ARID5B: variants seen among roughly 807,000 people sequenced by gnomAD.
ARID5B encodes AT-rich interactive domain-containing protein 5B.
Under a neutral mutation model 97.2 loss-of-function variants are expected in ARID5B, and 13 were observed. The ratio of observed to expected loss-of-function variants is 0.13; its 90% CI spans 0.09 to 0.21. ARID5B has a LOEUF of 0.21. Among genes scored for constraint, ARID5B ranks in the 10% least tolerant of loss-of-function variants. The pLI, the probability that ARID5B is intolerant of heterozygous loss-of-function variation, is 1.00. For missense variants in ARID5B, 1,210 were observed against 1,465.3 expected, an observed-to-expected ratio of 0.83 and a Z score of 2.84; for synonymous variants, 556 against 570.3, an observed-to-expected ratio of 0.97 and a Z score of 0.36.
chr10:61,903,895 C>T (rs1024781683), intron 2 of ARID5B, among the ~76,000 whole-genome samples: 3 of 150,236 alleles, frequency 2.0e-5, no homozygotes, highest in African/African-American at 4.9e-5. Flanking sequence ...TCACCTCCCC[C>T]CTCCACCCTC....
chr10:62,069,988 T>G (rs1173610168), intron 8 of ARID5B, among the ~76,000 whole-genome samples, 191 bp downstream of exon 8: 1 of 151,946 alleles, frequency 6.6e-6, no homozygotes, highest in Non-Finnish European at 1.5e-5. Flanking sequence ...GGGCTAAAAT[T>G]AGATGTTCTT....
intron 2 of ARID5B, among the ~76,000 whole-genome samples, chr10:61,926,442 C>T (rs1349811443): frequency 6.6e-6 from 1 of 152,084 alleles, no homozygotes; most frequent in Non-Finnish European, 1.5e-5. Context: ...GACCACCTAT[C>T]TCAGAAAGTC....
At chr10:61,984,053 TG>T (rs955372949) in intron 3 of ARID5B, among the ~76,000 whole-genome samples, 2 of 152,218 alleles carry the variant, frequency 1.3e-5, no homozygotes, top group African/African-American at 4.8e-5. Flanking sequence ...TTCTTACTGT[TG>T]TACCAACCAT....
Position 61,937,872 on chromosome 10 carries a change from T to C in ARID5B, c.277-2311T>C, listed in dbSNP as rs568105497. Among the ~76,000 whole-genome samples, 27 of 152,292 alleles carry C rather than the reference T, an allele frequency of 1.8e-4. No individual in the cohort carries two copies. In the South Asian group the frequency reaches 5.6e-3, roughly 32 times the overall value. The stretch of plus-strand genomic sequence containing the variant: ...ATGTTGGCTACTTTTTGTTTTCTTG[T>C]GGTGGGAGGGGGGTGTTGGCTTGCT... On this transcript the variant is annotated intron_variant, in intron 2 of 9. Coordinates refer to ENST00000279873, the MANE Select transcript of ARID5B (RefSeq NM_032199.3).
intron 4 of ARID5B, among the ~76,000 whole-genome samples, chr10:62,039,716 C>T (rs138356728): frequency 6.6e-6 from 1 of 152,220 alleles, no homozygotes; most frequent in Non-Finnish European, 1.5e-5. Context: ...AGAATGATTG[C>T]GGAAAGAATG....
chr10:62,058,643 G>A (rs146852423), intron 6 of ARID5B, among the ~76,000 whole-genome samples: 54 of 152,324 alleles, frequency 3.5e-4, no homozygotes, highest in Admixed American at 3.1e-3. Context: ...ATTCCTCTCT[G>A]AATGAATGTC....
chr10:61,934,018 T>G (rs556428173), intron 2 of ARID5B, among the ~76,000 whole-genome samples: 1 of 152,356 alleles, frequency 6.6e-6, no homozygotes, highest in South Asian at 2.1e-4. Context: ...CTACCTTCAA[T>G]TATCTTAGCT....
intron 3 of ARID5B, among the ~76,000 whole-genome samples, chr10:61,972,699 A>G (rs1838645901): frequency 6.6e-6 from 1 of 152,158 alleles, no homozygotes; most frequent in African/African-American, 2.4e-5. Flanking sequence ...TTTTGTATAT[A>G]ATAAACAGTG....
chr10:61,909,917 C>T (rs1437827097), intron 2 of ARID5B, among the ~76,000 whole-genome samples: 4 of 152,190 alleles, frequency 2.6e-5, no homozygotes, highest in Non-Finnish European at 4.4e-5. Flanking sequence ...ATCTCTGTTT[C>T]GTTGTTAATT....
chr10:61,951,963 T>C (rs1838329837), intron 3 of ARID5B, among the ~76,000 whole-genome samples: 1 of 152,222 alleles, frequency 6.6e-6, no homozygotes, highest in South Asian at 2.1e-4. Context: ...CGTTGGGCAT[T>C]TCAGCTCTTT....
At chr10:62,030,205 C>T (rs1460557203) in intron 4 of ARID5B, among the ~76,000 whole-genome samples, 1 of 151,972 alleles carries the variant, frequency 6.6e-6, no homozygotes, top group African/African-American at 2.4e-5. Context: ...TCTCGGCTCA[C>T]GGCAACTTCC....
chr10:62,009,666 G>A (rs1839192115), intron 4 of ARID5B, among the ~76,000 whole-genome samples: 1 of 152,196 alleles, frequency 6.6e-6, no homozygotes, highest in Non-Finnish European at 1.5e-5. Context: ...CTAGAGCTAA[G>A]AGTCAGGAGT....
chr10:62,032,772 A>G (rs894827448), intron 4 of ARID5B, among the ~76,000 whole-genome samples: 1 of 152,200 alleles, frequency 6.6e-6, no homozygotes, highest in African/African-American at 2.4e-5. Context: ...TGTTAGAAAC[A>G]AAACCAGGAC....
At chr10:62,063,858 C>T (rs1839953540) in intron 7 of ARID5B, among the ~76,000 whole-genome samples, 3 of 152,154 alleles carry the variant, frequency 2.0e-5, no homozygotes, top group Admixed American at 6.5e-5. Context: ...GCAATTAATG[C>T]TGGAAGAGTA....
chr10:62,010,418 C>A (rs1007907600), intron 4 of ARID5B, among the ~76,000 whole-genome samples: 1 of 152,176 alleles, frequency 6.6e-6, no homozygotes, highest in Admixed American at 6.5e-5. Context: ...ACTCTAAGCT[C>A]CTTGAGGGGG....
rs1268839514 is a variant in ARID5B, at chr10:61,936,559, A to C, written c.277-3624A>C. Among the ~76,000 whole-genome samples the C allele has an allele frequency of 2.0e-5, 3 of 152,352 alleles. No individual in the cohort carries two copies. The East Asian group carries it at 5.8e-4, about 29-fold the overall frequency. On this transcript the variant is annotated intron_variant, in intron 2 of 9. Coordinates refer to ENST00000279873, the MANE Select transcript of ARID5B (RefSeq NM_032199.3). ...CTTGAACCTGAGAGGCAGAGGTTGC[A>C]GGAGCTGAGATCGTGCCACTGCACT...
chr10:61,920,156 G>C (rs1214787920), intron 2 of ARID5B, among the ~76,000 whole-genome samples: 1 of 151,834 alleles, frequency 6.6e-6, no homozygotes, highest in Non-Finnish European at 1.5e-5. Context: ...CAGGCTTTTT[G>C]TGTGTCCTTT....
intron 3 of ARID5B, among the ~76,000 whole-genome samples, chr10:61,953,656 C>T (rs985681765): frequency 2.6e-5 from 4 of 152,160 alleles, no homozygotes; most frequent in South Asian, 2.1e-4. Context: ...GATTGAAGTC[C>T]TTGCTCCATA....
intron 3 of ARID5B, among the ~76,000 whole-genome samples, chr10:61,940,966 T>TATA (rs397958155): frequency 1.6e-4 from 1 of 6,150 alleles, no homozygotes; most frequent in African/African-American, 4.7e-4. Context: ...TATATATATA[T>TATA]TTTTTTTTTT....
Sources: allele counts gnomAD v4.1 joint callset (sites outside exome capture counted in the v4.1 genomes callset), GRCh38; gene constraint gnomAD v4.1.1; transcripts MANE v1.5; gene names NCBI Gene and HGNC (gene_info 2026-07-23, HGNC 2026-07-21).